Variants in MYOM1 observed in about 807,000 individuals in gnomAD.
The protein encoded by MYOM1 is myomesin 1.
Under a neutral mutation model 205.3 loss-of-function variants are expected in MYOM1, and 164 were observed. The ratio of observed to expected loss-of-function variants is 0.80; its 90% CI spans 0.70 to 0.91. The LOEUF is 0.91. MYOM1 is among the 40% of genes least tolerant of loss of function. The probability of loss-of-function intolerance (pLI) is 0.00; values close to 1 mark genes in which losing one functional copy is unlikely to be tolerated. For missense variants in MYOM1, 2,011 were observed against 2,127.3 expected, an observed-to-expected ratio of 0.95 and a Z score of 1.08; for synonymous variants, 772 against 789.4, an observed-to-expected ratio of 0.98 and a Z score of 0.37.
chr18:3,191,266 A>C (rs1316821556), intron 3 of MYOM1, among the ~76,000 whole-genome samples: 1 of 152,218 alleles, frequency 6.6e-6, no homozygotes, highest in Non-Finnish European at 1.5e-5. Context: ...TATAAGTGGA[A>C]ATTTCAGGTG....
intron 2 of MYOM1, among the ~76,000 whole-genome samples, chr18:3,204,979 A>G (rs1414439769): frequency 2.0e-5 from 3 of 152,084 alleles, no homozygotes; most frequent in Non-Finnish European, 4.4e-5. Flanking sequence ...AATCTTTATA[A>G]CAAATGGTGC....
chr18:3,094,086 T>G lies in MYOM1; in HGVS notation c.3864+84A>C, dbSNP rs997543912. On this transcript the variant is annotated intron_variant, in intron 26 of 37. Coordinates refer to ENST00000356443, the MANE Select transcript of MYOM1 (RefSeq NM_003803.4). ...CCACTCCACCACCCAGCGGTTTTTA[T>G]AACAACATATCCACATCCACATAAG... 1.5e-5 allele frequency: 21 copies of G among 1,445,134 alleles called. No individual in the cohort carries two copies. In the African/African-American group the frequency reaches 2.1e-4, roughly 15 times the overall value. The allele number at this position is 1,445,134 out of a possible 1,614,324, so 89.5% of individuals were successfully genotyped here. A position where few individuals can be genotyped will look rare whatever the true frequency, so the allele number is the denominator to read the frequency against.
intron 5 of MYOM1, among the ~76,000 whole-genome samples, chr18:3,180,829 G>T (rs972500616): frequency 1.3e-5 from 2 of 152,020 alleles, no homozygotes; most frequent in South Asian, 2.1e-4. Context: ...ATAGTATGGG[G>T]TCACAGTAAA....
the MYOM1 span, among the ~76,000 whole-genome samples, chr18:3,239,777 A>AG: frequency 2.0e-5 from 3 of 150,380 alleles, no homozygotes; most frequent in African/African-American, 7.4e-5. Flanking sequence ...AAAAAAAAAA[A>AG]AAAAAAGAAA....
At chr18:3,114,300 A>T (rs75059949) in intron 21 of MYOM1, among the ~76,000 whole-genome samples, 2,383 of 152,124 alleles carry the variant, frequency 0.016, 47 homozygotes, top group South Asian at 0.081. Context: ...CTGCTCTTCC[A>T]TCACCACAGG....
chr18:3,195,818 C>A (rs937293453), intron 2 of MYOM1, among the ~76,000 whole-genome samples: 1 of 152,000 alleles, frequency 6.6e-6, no homozygotes, highest in Non-Finnish European at 1.5e-5. Context: ...TATGAGTATT[C>A]CATTCTCACA....
At chr18:3,169,058 G>C in intron 8 of MYOM1, 77 bp from the exon 9 acceptor site, 1 of 1,218,860 alleles carries the variant, frequency 8.2e-7, no homozygotes, top group Non-Finnish European at 1.1e-6. Context: ...AGCACAGGCA[G>C]AAAGCAGTCA....
intron 19 of MYOM1, among the ~76,000 whole-genome samples, chr18:3,121,593 C>A (rs1051997412): frequency 6.6e-6 from 1 of 152,086 alleles, no homozygotes. Flanking sequence ...AAAACACAGA[C>A]ACATACATAC....
intron 15 of MYOM1, 127 bp from the exon 16 acceptor site, chr18:3,134,951 T>C: frequency 1.1e-6 from 1 of 908,812 alleles, no homozygotes. Flanking sequence ...TGCTTTATTT[T>C]ACGATTTTTT....
At chr18:3,161,212 T>C (rs1206203908) in intron 10 of MYOM1, among the ~76,000 whole-genome samples, 2 of 152,180 alleles carry the variant, frequency 1.3e-5, no homozygotes, top group African/African-American at 4.8e-5. Context: ...GATGCCTTTG[T>C]GGTGGAGAAA....
intron 21 of MYOM1, among the ~76,000 whole-genome samples, chr18:3,115,972 C>A (rs1217777977): frequency 6.6e-6 from 1 of 151,960 alleles, no homozygotes; most frequent in Non-Finnish European, 1.5e-5. Flanking sequence ...AATCAACCAT[C>A]CCCCTAGAAA....
At chr18:3,158,582 T>C (rs1225857191) in intron 10 of MYOM1, among the ~76,000 whole-genome samples, 1 of 152,240 alleles carries the variant, frequency 6.6e-6, no homozygotes, top group African/African-American at 2.4e-5. Flanking sequence ...CTTTTCAATA[T>C]GATAGGAAAA....
Position 3,131,512 on chromosome 18 carries a change from G to C in MYOM1, c.2385-16C>G, listed in dbSNP as rs1170888058. 4 of 1,605,776 alleles carry C rather than the reference G, an allele frequency of 2.5e-6. No homozygotes were observed. Among genetic ancestry groups the C allele is most frequent in the Non-Finnish European group, 2.6e-6 (3 of 1,176,380 alleles). Reference sequence around the variant, plus strand: ...ACAAGTGAATCTAAAAGGAAAACAAGTTTTAAAAAATTTTCCTAGGAGGAA... The same window carrying C: ...ACAAGTGAATCTAAAAGGAAAACAACTTTTAAAAAATTTTCCTAGGAGGAA... On this transcript the variant is annotated splice_polypyrimidine_tract_variant and intron_variant, in intron 16 of 37. Coordinates refer to ENST00000356443, the MANE Select transcript of MYOM1 (RefSeq NM_003803.4).
intron 21 of MYOM1, among the ~76,000 whole-genome samples, chr18:3,114,957 T>G (rs1307962628): frequency 2.0e-5 from 3 of 152,136 alleles, no homozygotes; most frequent in Admixed American, 2.0e-4. Context: ...CTCTACTTTT[T>G]TTTTTCTTTT....
chr18:3,166,263 CTTT>C (rs765532198), intron 9 of MYOM1, among the ~76,000 whole-genome samples: 3 of 111,644 alleles, frequency 2.7e-5, no homozygotes, highest in Middle Eastern at 4.8e-3. Context: ...TATCTCAAGT[CTTT>C]TTTTTTTTTT....
At chr18:3,156,844 T>G (rs1265533706) in intron 10 of MYOM1, among the ~76,000 whole-genome samples, 1 of 151,964 alleles carries the variant, frequency 6.6e-6, no homozygotes, top group African/African-American at 2.4e-5. Context: ...CTCCTGACCT[T>G]GTGATCCGCC....
chr18:3,196,562 G>T (rs563552724), intron 2 of MYOM1, among the ~76,000 whole-genome samples: 1 of 152,248 alleles, frequency 6.6e-6, no homozygotes, highest in East Asian at 1.9e-4. Flanking sequence ...GAATTTTGAT[G>T]AAAGCAATCA....
At chr18:3,229,976 CAAAA>C in the MYOM1 span, among the ~76,000 whole-genome samples, 6,923 of 79,182 alleles carry the variant, frequency 0.087, 131 homozygotes, top group Admixed American at 0.12. Context: ...AACTCCATCT[CAAAA>C]AAAAAAAAAA....
At chr18:3,204,259 C>T (rs9916928) in intron 2 of MYOM1, among the ~76,000 whole-genome samples, 34,844 of 151,746 alleles carry the variant, frequency 0.23, 4,104 homozygotes, top group African/African-American at 0.29. Context: ...GGGTAATTAA[C>T]TTTTTAAAAA....
Sources: gnomAD v4.1 joint callset for allele counts (sites outside exome capture counted in the v4.1 genomes callset) on GRCh38, gnomAD v4.1.1 for gene constraint, MANE v1.5 for transcripts, NCBI Gene and HGNC (gene_info 2026-07-23, HGNC 2026-07-21) for gene names.